The following GON4L variants were observed in gnomAD, a reference collection of about 807,000 sequenced individuals.
The protein encoded by GON4L is GON-4-like protein.
A neutral mutation model predicts 211.8 loss-of-function variants in GON4L; 87 were observed. The ratio of observed to expected loss-of-function variants is 0.41; its 90% confidence interval spans 0.35 to 0.49. GON4L has a LOEUF of 0.49. Among genes scored for constraint, GON4L ranks in the 20% least tolerant of loss-of-function variants. The pLI is 0.15. For missense variants in GON4L, 2,155 were observed against 2,659.5 expected, an observed-to-expected ratio of 0.81 and a Z score of 4.17; for synonymous variants, 875 against 962.6, an observed-to-expected ratio of 0.91 and a Z score of 1.68.
chr1:155,815,938 A>G, intron 7 of GON4L, 38 bp from the exon 8 acceptor site: 1 of 1,207,192 alleles, frequency 8.3e-7, no homozygotes, highest in Non-Finnish European at 1.2e-6. Flanking sequence ...AAGTAATGGG[A>G]AACACAAATC....
chr1:155,851,179 C>T (rs1357519750), intron 2 of GON4L, among the ~76,000 whole-genome samples: 1 of 150,560 alleles, frequency 6.6e-6, no homozygotes, highest in Non-Finnish European at 1.5e-5. Flanking sequence ...ACGGTAAAAC[C>T]CCGTCTCTAC....
At chr1:155,790,557 T>C (rs1665431521) in intron 12 of GON4L, among the ~76,000 whole-genome samples, 1 of 152,136 alleles carries the variant, frequency 6.6e-6, no homozygotes, top group South Asian at 2.1e-4. Context: ...TATTTTTTGC[T>C]GTTGCATTTT....
intron 12 of GON4L, among the ~76,000 whole-genome samples, chr1:155,791,915 A>C (rs1398812660): frequency 3.2e-5 from 4 of 124,910 alleles, no homozygotes; most frequent in African/African-American, 1.4e-4. Context: ...AACATAACAT[A>C]ACATAACATC....
intron 10 of GON4L, among the ~76,000 whole-genome samples, chr1:155,811,414 A>G (rs1238637271): frequency 3.3e-5 from 5 of 149,428 alleles, no homozygotes; most frequent in African/African-American, 1.2e-4. Context: ...AAAAAAAAAA[A>G]AAAGAAAGAA....
intron 13 of GON4L, chr1:155,784,626 C>G (rs934468655): frequency 1.2e-5 from 2 of 167,812 alleles, no homozygotes; most frequent in African/African-American, 4.8e-5. Context: ...AGATGATCCA[C>G]CTGCCGTGGC....
intron 2 of GON4L, among the ~76,000 whole-genome samples, chr1:155,831,126 C>T (rs1669722639): frequency 1.3e-5 from 2 of 151,976 alleles, no homozygotes; most frequent in Non-Finnish European, 2.9e-5. Flanking sequence ...TGGTGAAACG[C>T]TATCTCGACA....
At chr1:155,847,718 A>G (rs1233501276) in intron 2 of GON4L, among the ~76,000 whole-genome samples, 1 of 151,860 alleles carries the variant, frequency 6.6e-6, no homozygotes, top group Non-Finnish European at 1.5e-5. Context: ...ACAAAAAACA[A>G]AAAAAATTAG....
In GON4L at chr1:155,766,062, G is replaced by T; in HGVS notation, c.3411C>A (p.Ile1137=). ...ASPCMKPAPV[I]HHPASVIFTV... ...TGAAGATAACAGATGCAGGGTGGTG[G>T]ATAACAGGGGCAGGTTTCATACAGG... The change falls in exon 21 of 32, where the codon ATC becomes ATA. Residue 1137 remains isoleucine, a synonymous_variant. Coordinates refer to ENST00000368331, the MANE Select transcript of GON4L (RefSeq NM_001282860.2). 6.2e-7 allele frequency: 1 copy of T among 1,614,168 alleles called. No homozygotes were observed.
intron 12 of GON4L, among the ~76,000 whole-genome samples, chr1:155,794,160 C>T (rs572638979): frequency 6.6e-6 from 1 of 152,156 alleles, no homozygotes; most frequent in South Asian, 2.1e-4. Flanking sequence ...CAACCTCTCC[C>T]GCCTGAGTTC....
chr1:155,828,124 C>T (rs1669387725), intron 2 of GON4L, among the ~76,000 whole-genome samples: 1 of 150,556 alleles, frequency 6.6e-6, no homozygotes, highest in Non-Finnish European at 1.5e-5. Flanking sequence ...TGCCATTGCA[C>T]TCCAGCCTGG....
intron 1 of GON4L, among the ~76,000 whole-genome samples, chr1:155,854,795 G>A (rs1672118237): frequency 6.6e-6 from 1 of 152,106 alleles, no homozygotes; most frequent in African/African-American, 2.4e-5. Flanking sequence ...CAACACTTTG[G>A]GAGGCCAAGG....
At chr1:155,816,969 A>C (rs941504273) in intron 6 of GON4L, among the ~76,000 whole-genome samples, 2 of 152,044 alleles carry the variant, frequency 1.3e-5, no homozygotes, top group African/African-American at 4.8e-5. Flanking sequence ...AATTTTTATA[A>C]GAGCTAGGGG....
At chr1:155,843,455 T>C (rs1204393630) in intron 2 of GON4L, among the ~76,000 whole-genome samples, 2 of 152,108 alleles carry the variant, frequency 1.3e-5, no homozygotes, top group Admixed American at 6.6e-5. Flanking sequence ...ACTTAACAGA[T>C]TGACCTGACT....
At chr1:155,807,721 A>AAAAAG (rs1255807754) in intron 10 of GON4L, among the ~76,000 whole-genome samples, 1 of 150,334 alleles carries the variant, frequency 6.7e-6, no homozygotes, top group East Asian at 1.9e-4. Flanking sequence ...AAAAAAAAAA[A>AAAAAG]AAAAGAAAAT....
chr1:155,821,551 G>T lies in GON4L; in HGVS notation c.889-3C>A. ...ACGTGTTCATTTGTGATTACTTCCT[G>T]GAGAAAGATGAAATTTCACTTTATG... On this transcript the variant is annotated splice_region_variant and splice_polypyrimidine_tract_variant and intron_variant, in intron 4 of 31. Transcript: ENST00000368331. The T allele has an allele frequency of 1.3e-6, 2 of 1,579,786 alleles. No individual in the cohort carries two copies. The highest frequency in any genetic ancestry group is 1.7e-6 in the Non-Finnish European group (2 of 1,149,202).
At chr1:155,808,333 T>G (rs1425892589) in intron 10 of GON4L, among the ~76,000 whole-genome samples, 1 of 151,960 alleles carries the variant, frequency 6.6e-6, no homozygotes, top group Non-Finnish European at 1.5e-5. Flanking sequence ...GCCACCACAC[T>G]GGGCATCTGT....
rs778768674 is a variant in GON4L, at chr1:155,853,516, C to T, written c.265G>A (p.Val89Ile). 3.7e-6 allele frequency: 6 copies of T among 1,614,064 alleles called. No homozygotes were observed. In the African/African-American group the frequency reaches 6.7e-5, roughly 18 times the overall value. ...SSGMLTQNTN[V>I]PILEGVDVAI... is the part of the protein sequence containing the mutation. Reference sequence around the variant, plus strand: ...ACATCAACACCTTCTAGAATTGGTACATTTGTGTTCTGGGTGAGCATTCCA... The same window carrying T: ...ACATCAACACCTTCTAGAATTGGTATATTTGTGTTCTGGGTGAGCATTCCA... Residue 89 changes from valine (V) to isoleucine (I), a missense_variant, in exon 2 of 32, where the codon GTA becomes ATA. Physicochemically the swap from Val to Ile is conservative, Grantham distance 29 (BLOSUM62 3). Transcript: ENST00000368331.
intron 11 of GON4L, among the ~76,000 whole-genome samples, chr1:155,804,634 T>A (rs1666970471): frequency 6.6e-6 from 1 of 151,466 alleles, no homozygotes; most frequent in Non-Finnish European, 1.5e-5. Context: ...AAATAAAAAA[T>A]TAGTCGGGCA....
At chr1:155,779,450 G>T (rs539906360) in intron 14 of GON4L, among the ~76,000 whole-genome samples, 1 of 151,340 alleles carries the variant, frequency 6.6e-6, no homozygotes, top group East Asian at 2.0e-4. Flanking sequence ...CTGAGTAGCT[G>T]GGACTACAGA....
Sources: gnomAD v4.1 joint callset for allele counts (sites outside exome capture counted in the v4.1 genomes callset) on GRCh38, gnomAD v4.1.1 for gene constraint, MANE v1.5 for transcripts, NCBI Gene and HGNC (gene_info 2026-07-23, HGNC 2026-07-21) for gene names.